The following ST18 variants were observed in gnomAD, a reference collection of about 807,000 sequenced individuals.
The protein encoded by ST18 is suppression of tumorigenicity 18 protein.
ST18 carries 50 observed loss-of-function variants against 110.0 expected under a neutral mutation model. The observed-to-expected ratio is 0.45, with a 90% confidence interval of 0.36 to 0.58. The LOEUF (loss-of-function observed/expected upper bound fraction) is 0.58. Ranked by LOEUF, ST18 falls within the 20% of genes least tolerant of loss-of-function variation. The pLI is 0.00. For missense variants in ST18, 1,306 were observed against 1,280.1 expected (o/e 1.02, Z -0.31); for synonymous variants, 461 against 452.4 (o/e 1.02, Z -0.24).
chr8:52,374,459 G>A (rs1457035351), intron 2 of ST18, among the ~76,000 whole-genome samples: 1 of 151,920 alleles, frequency 6.6e-6, no homozygotes, highest in Non-Finnish European at 1.5e-5. Flanking sequence ...TCAGACTTCT[G>A]GCCTCCTGAA....
At chr8:52,289,000 A>G (rs912853904) in intron 2 of ST18, among the ~76,000 whole-genome samples, 2 of 152,116 alleles carry the variant, frequency 1.3e-5, no homozygotes, top group Admixed American at 6.5e-5. Context: ...ATTTTCCTAC[A>G]TGACCATCAG....
chr8:52,225,038 C>G lies in ST18; in HGVS notation c.-418-3245G>C, dbSNP rs537846502. On this transcript the variant is annotated intron_variant, in intron 3 of 25. Coordinates refer to ENST00000689386, the MANE Select transcript of ST18 (RefSeq NM_001352837.2). The stretch of plus-strand genomic sequence containing the variant: ...AGATTGCTGAAGTCATCCAGAGCAT[C>G]ACAATAACTTCCGGTTTTCACTGTG... Among the ~76,000 whole-genome samples, 5 of 152,314 alleles carry G rather than the reference C, an allele frequency of 3.3e-5. No homozygotes were observed. The South Asian group carries it at 8.3e-4, about 25-fold the overall frequency.
intron 2 of ST18, among the ~76,000 whole-genome samples, chr8:52,249,161 C>T (rs1305899654): frequency 6.6e-6 from 1 of 152,120 alleles, no homozygotes; most frequent in Non-Finnish European, 1.5e-5. Flanking sequence ...TTTAAATTTA[C>T]AAACTTTTTT....
chr8:52,274,947 A>T (rs910172698), intron 2 of ST18, among the ~76,000 whole-genome samples: 1 of 152,126 alleles, frequency 6.6e-6, no homozygotes. Context: ...TATACAGAAC[A>T]TTGTTTATAT....
At chr8:52,181,893 G>A (rs1245259727) in intron 8 of ST18, among the ~76,000 whole-genome samples, 2 of 152,070 alleles carry the variant, frequency 1.3e-5, no homozygotes, top group African/African-American at 2.4e-5. Context: ...TGAACAGGGA[G>A]GCAGAAGAAA....
chr8:52,135,893 C>T (rs2052014600), intron 19 of ST18, among the ~76,000 whole-genome samples: 1 of 152,002 alleles, frequency 6.6e-6, no homozygotes, highest in Non-Finnish European at 1.5e-5. Flanking sequence ...CTCATTTTTT[C>T]TAAAGCTTTA....
At chr8:52,385,755 G>A (rs968107267) in intron 2 of ST18, among the ~76,000 whole-genome samples, 1 of 151,788 alleles carries the variant, frequency 6.6e-6, no homozygotes, top group Non-Finnish European at 1.5e-5. Flanking sequence ...GTTCATGCAT[G>A]CAATAAAGCC....
intron 19 of ST18, among the ~76,000 whole-genome samples, chr8:52,135,138 T>C (rs540076674): frequency 1.3e-5 from 2 of 152,332 alleles, no homozygotes; most frequent in East Asian, 3.9e-4. Flanking sequence ...TAAGATGTTT[T>C]GGTACATCTC....
intron 2 of ST18, among the ~76,000 whole-genome samples, chr8:52,384,198 C>A (rs1835663771): frequency 6.6e-6 from 1 of 152,140 alleles, no homozygotes; most frequent in South Asian, 2.1e-4. Flanking sequence ...TATCCCCTGG[C>A]AATTACTGTC....
chr8:52,178,636 A>AC (rs1208589728), intron 9 of ST18, among the ~76,000 whole-genome samples: 6 of 132,382 alleles, frequency 4.5e-5, no homozygotes, highest in Non-Finnish European at 7.7e-5. Context: ...AAAAAAAAAA[A>AC]AAAAAAACCA....
At chr8:52,365,433 T>A (rs1827478984) in intron 2 of ST18, among the ~76,000 whole-genome samples, 1 of 151,880 alleles carries the variant, frequency 6.6e-6, no homozygotes, top group African/African-American at 2.4e-5. Context: ...AATGAGGAGT[T>A]GAGTTAAGAG....
chr8:52,313,079 A>G (rs1234297172), intron 2 of ST18: 1 of 152,494 alleles, frequency 6.6e-6, no homozygotes, highest in African/African-American at 2.4e-5. Context: ...CAGGTAGCCC[A>G]AAGCCATGTG....
chr8:52,155,350 A>G (rs2059771196), intron 15 of ST18, among the ~76,000 whole-genome samples: 1 of 152,242 alleles, frequency 6.6e-6, no homozygotes, highest in African/African-American at 2.4e-5. Flanking sequence ...ATATGTAGGC[A>G]ATATTGGTGG....
chr8:52,302,231 T>A (rs1351781903), intron 2 of ST18, among the ~76,000 whole-genome samples: 1 of 151,978 alleles, frequency 6.6e-6, no homozygotes, highest in African/African-American at 2.4e-5. Flanking sequence ...CAAAGCCACG[T>A]CTCCCAGTAT....
intron 2 of ST18, among the ~76,000 whole-genome samples, chr8:52,247,851 T>G (rs942424364): frequency 2.0e-5 from 3 of 152,152 alleles, no homozygotes; most frequent in Non-Finnish European, 4.4e-5. Flanking sequence ...AACTCTATTT[T>G]CCCCACATAC....
rs1563897635 is a variant in ST18 at position 52,178,646 on chromosome 8, AC to A, written c.277+1475del. On this transcript the variant is annotated intron_variant, in intron 9 of 25. Transcript: ENST00000689386. ...AAAAAAAAAAAAAAAAAAAAAAACC[AC>A]CAAAAACCAAAATAAAACAAACAAA... Among the ~76,000 whole-genome samples the A allele has an allele frequency of 6.9e-4, 69 of 100,616 alleles. 21 individuals carry two copies. The highest frequency in any genetic ancestry group is 2.3e-3 in the East Asian group (7 of 3,040). 66.0% of individuals were successfully genotyped at this position (100,616 alleles called of 152,430 possible).
intron 2 of ST18, among the ~76,000 whole-genome samples, chr8:52,301,351 GT>G (rs1385262962): frequency 6.6e-6 from 1 of 151,894 alleles, no homozygotes; most frequent in Non-Finnish European, 1.5e-5. Flanking sequence ...TAGCCATATA[GT>G]TAAAGAATGA....
chr8:52,408,328 T>A (rs1210755602), intron 2 of ST18, among the ~76,000 whole-genome samples: 1 of 152,200 alleles, frequency 6.6e-6, no homozygotes, highest in East Asian at 1.9e-4. Context: ...GTTAGAAAGA[T>A]CAAGGCTCCA....
chr8:52,243,750 G>C (rs1007077245), intron 2 of ST18, among the ~76,000 whole-genome samples: 1 of 152,120 alleles, frequency 6.6e-6, no homozygotes, highest in Non-Finnish European at 1.5e-5. Context: ...TATCATCATT[G>C]TTCTGAACAA....
Sources: allele counts gnomAD v4.1 joint callset (sites outside exome capture counted in the v4.1 genomes callset), GRCh38; gene constraint gnomAD v4.1.1; transcripts MANE v1.5; gene names NCBI Gene and HGNC (gene_info 2026-07-23, HGNC 2026-07-21).